The following PYROXD2 variants were observed in gnomAD, a reference collection of about 807,000 sequenced individuals.
PYROXD2 encodes the protein pyridine nucleotide-disulphide oxidoreductase domain 2.
In PYROXD2, 69 loss-of-function variants were observed where a neutral mutation model predicts 71.1. That is an observed-to-expected ratio of 0.97 (90% CI 0.80 to 1.19). The LOEUF (loss-of-function observed/expected upper bound fraction) is 1.19. Among genes scored for constraint, PYROXD2 ranks in the 50% most tolerant of loss-of-function variants. PYROXD2 has a pLI of 0.00. For synonymous variants in PYROXD2, 287 were observed against 302.7 expected, an observed-to-expected ratio of 0.95 and a Z score of 0.54; for missense variants, 745 against 748.9, an observed-to-expected ratio of 0.99 and a Z score of 0.06.
chr10:98,411,438 C>T lies in PYROXD2; in HGVS notation c.128-480G>A, dbSNP rs149339062. On this transcript the variant is annotated intron_variant, in intron 1 of 15. Transcript: ENST00000370575. ...TGCTATCAAGCGCGGCTTGTTTTGT[C>T]CACGTGTGGTTCACAATCGGCACAG... 4.4e-3 allele frequency: 716 copies of T among 163,272 alleles called. 2 individuals are homozygous for T. The highest frequency in any genetic ancestry group is 7.4e-3 in the Non-Finnish European group (561 of 75,388). The allele number at this position is 163,272 out of a possible 1,614,324, so 10.1% of individuals were successfully genotyped here.
chr10:98,395,445 G>A lies in PYROXD2; in HGVS notation c.633C>T (p.Ile211=). Residue 211 remains isoleucine, a synonymous_variant, in exon 7 of 16, where the codon ATC becomes ATT. Coordinates refer to ENST00000370575, the MANE Select transcript of PYROXD2 (RefSeq NM_032709.3). ...AATATCGGGGAAGCTGGGCTCCCAGGATGCGGCCTACAAGAGAAGATCCAC... is the reference window on the plus strand; with the variant it reads ...AATATCGGGGAAGCTGGGCTCCCAGAATGCGGCCTACAAGAGAAGATCCAC... ...TLKPLLKAGR[I]LGAQLPRYYE... The A allele has an allele frequency of 1.2e-6, 2 of 1,614,054 alleles. No homozygotes were observed. The highest frequency in any genetic ancestry group is 1.7e-6 in the Non-Finnish European group (2 of 1,179,896).
chr10:98,385,418 C>G (rs1842719158), intron 14 of PYROXD2, among the ~76,000 whole-genome samples: 1 of 152,252 alleles, frequency 6.6e-6, no homozygotes. Context: ...GCGAGAACTC[C>G]CTTCTCTGGC....
At chr10:98,393,115 A>C (rs892179497) in intron 8 of PYROXD2, 32 bp from the exon 9 acceptor site, 6 of 1,486,072 alleles carry the variant, frequency 4.0e-6, no homozygotes, top group Non-Finnish European at 5.3e-6. Flanking sequence ...CAGATCCTGG[A>C]GGTGGGATCT....
intron 11 of PYROXD2, 28 bp from the exon 12 acceptor site, chr10:98,390,782 C>T (rs902045377): frequency 2.6e-6 from 4 of 1,550,786 alleles, no homozygotes; most frequent in Admixed American, 1.9e-5. Flanking sequence ...AGGGTCAGGT[C>T]TTAGCCCCAC....
rs751517406 is a variant in PYROXD2 at position 98,401,253 on chromosome 10, C to CAAAAAA, written c.316-1002_316-997dup. Among the ~76,000 whole-genome samples, 325 of 45,454 alleles carry CAAAAAA rather than the reference C, an allele frequency of 7.2e-3. 13 individuals carry two copies. Among genetic ancestry groups the CAAAAAA allele is most frequent in the African/African-American group, 0.033 (297 of 8,942 alleles). The allele number at this position is 45,454 out of a possible 152,430, so 29.8% of individuals were successfully genotyped here. A position where few individuals can be genotyped will look rare whatever the true frequency, so the allele number is the denominator to read the frequency against. On this transcript the variant is annotated intron_variant, in intron 4 of 15. Transcript: ENST00000370575. ...TGGGTGACAAAGCAAGACTCTGTCT[C>CAAAAAA]AAAAAAAAAAAAACAAAAAAAAACA...
chr10:98,392,890 T>C lies in PYROXD2; in HGVS notation c.927+52A>G, dbSNP rs1274115802. On this transcript the variant is annotated intron_variant, in intron 9 of 15. Transcript: ENST00000370575. ...GGACCTTCCAAATCTGAGACTTTGT[T>C]CTGTCCTGGGATCCTTACTAATAAT... is the stretch of plus-strand genomic sequence containing the variant. 19 of 1,580,980 alleles carry C rather than the reference T, an allele frequency of 1.2e-5. 1 individual carries two copies. The South Asian group carries it at 1.7e-4, about 14-fold the overall frequency.
At chr10:98,412,421 C>T (rs1301716639) in intron 1 of PYROXD2, among the ~76,000 whole-genome samples, 1 of 152,170 alleles carries the variant, frequency 6.6e-6, no homozygotes, top group Non-Finnish European at 1.5e-5. Flanking sequence ...TGAGGAGCTG[C>T]TCTGGGCGTG....
intron 6 of PYROXD2, among the ~76,000 whole-genome samples, chr10:98,396,942 C>T (rs969430750): frequency 2.6e-5 from 4 of 152,162 alleles, no homozygotes; most frequent in East Asian, 1.9e-4. Context: ...TTCCATCTCC[C>T]GAGAAGGTTC....
chr10:98,406,888 T>TC (rs1373866422), intron 4 of PYROXD2, among the ~76,000 whole-genome samples: 287 of 74,158 alleles, frequency 3.9e-3, no homozygotes, highest in African/African-American at 0.015. Context: ...CCAGACTCCG[T>TC]CCCAAAAAAA....
At chr10:98,410,444 C>G (rs1215137246) in intron 2 of PYROXD2, among the ~76,000 whole-genome samples, 2 of 152,194 alleles carry the variant, frequency 1.3e-5, no homozygotes, top group African/African-American at 2.4e-5. Context: ...CTAGACTGAG[C>G]TCCTCAATGT....
chr10:98,408,853 T>TG (rs1843696131), intron 2 of PYROXD2, among the ~76,000 whole-genome samples: 1 of 152,196 alleles, frequency 6.6e-6, no homozygotes, highest in Non-Finnish European at 1.5e-5. Context: ...ATTGTCTTGT[T>TG]TAATTTTTCC....
chr10:98,385,794 C>G (rs1435008215), intron 14 of PYROXD2, among the ~76,000 whole-genome samples: 1 of 152,210 alleles, frequency 6.6e-6, no homozygotes, highest in Non-Finnish European at 1.5e-5. Context: ...TCACCTCCAC[C>G]CTGACTCCTA....
At chr10:98,410,583 G>A (rs867604589) in intron 2 of PYROXD2, 14 of 272,358 alleles carry the variant, frequency 5.1e-5, no homozygotes, top group East Asian at 7.7e-5. Flanking sequence ...CCCCCACCCC[G>A]CCCCAGGTGC....
At chr10:98,397,662 G>A (rs1388217167) in intron 5 of PYROXD2, among the ~76,000 whole-genome samples, 164 bp from the exon 6 acceptor site, 1 of 152,100 alleles carries the variant, frequency 6.6e-6, no homozygotes, top group Non-Finnish European at 1.5e-5. Flanking sequence ...AGGTCTCTGG[G>A]TTAACATCAA....
At chr10:98,390,950 G>A in intron 11 of PYROXD2, 60 bp downstream of exon 11, 4 of 1,436,300 alleles carry the variant, frequency 2.8e-6, no homozygotes, top group Non-Finnish European at 2.9e-6. Context: ...CCCCCAGCCT[G>A]GAGGTTTCTC....
chr10:98,400,418 C>G (rs534505425), intron 4 of PYROXD2, among the ~76,000 whole-genome samples, 161 bp from the exon 5 acceptor site: 1 of 151,958 alleles, frequency 6.6e-6, no homozygotes, highest in African/African-American at 2.4e-5. Context: ...TATAAAAAGC[C>G]CTCTTGCCCA....
At chr10:98,388,658 C>T (rs2274249) in intron 12 of PYROXD2, 150 bp from the exon 13 acceptor site, 49,169 of 925,756 alleles carry the variant, frequency 0.053, 1,536 homozygotes, top group East Asian at 0.1. Context: ...TCCACCTGCA[C>T]GGGCTTAGCG....
intron 4 of PYROXD2, among the ~76,000 whole-genome samples, chr10:98,403,036 T>G (rs537993814): frequency 1.6e-4 from 24 of 152,282 alleles, no homozygotes; most frequent in African/African-American, 5.8e-4. Context: ...TTTCCAACAA[T>G]TACCGCTGGA....
intron 2 of PYROXD2, 93 bp from the exon 3 acceptor site, chr10:98,408,090 T>A: frequency 8.2e-7 from 1 of 1,217,292 alleles, no homozygotes; most frequent in Non-Finnish European, 1.2e-6. Context: ...GTCCTCACTA[T>A]AGGCCAGTAT....
Sources: allele counts gnomAD v4.1 joint callset (sites outside exome capture counted in the v4.1 genomes callset), GRCh38; gene constraint gnomAD v4.1.1; transcripts MANE v1.5; gene names NCBI Gene and HGNC (gene_info 2026-07-23, HGNC 2026-07-21).